Variants in LRAT observed in about 807,000 individuals in gnomAD.
LRAT encodes the protein lecithin retinol acyltransferase (phosphatidylcholine--retinol O-acyltransferase).
Under a neutral mutation model 14.2 loss-of-function variants are expected in LRAT, and 11 were observed. That is an observed-to-expected ratio of 0.78 (90% CI 0.49 to 1.29). LRAT has a LOEUF of 1.29. Ranked by LOEUF, LRAT falls within the 50% of genes most tolerant of loss-of-function variation. The pLI, the probability that LRAT is intolerant of heterozygous loss-of-function variation, is 0.00. For missense variants in LRAT, 274 were observed against 292.4 expected, an observed-to-expected ratio of 0.94 and a Z score of 0.46; for synonymous variants, 144 against 124.8, an observed-to-expected ratio of 1.15 and a Z score of -1.03.
intron 2 of LRAT, chr4:154,748,167 G>GT (rs1218083356): frequency 2.1e-6 from 2 of 938,670 alleles, no homozygotes; most frequent in African/African-American, 3.6e-5. Context: ...AATAATCACT[G>GT]TAATACCTTA....
At chr4:154,747,444 G>T (rs1477933665) in intron 2 of LRAT, among the ~76,000 whole-genome samples, 1 of 151,764 alleles carries the variant, frequency 6.6e-6, no homozygotes, top group Non-Finnish European at 1.5e-5. Flanking sequence ...CTTTTAATTT[G>T]TGTGGATTGA....
intron 2 of LRAT, chr4:154,748,100 C>A: frequency 3.0e-6 from 1 of 336,462 alleles, no homozygotes; most frequent in Non-Finnish European, 4.2e-6. Context: ...ACAATCACTG[C>A]ATTCTGGCAT....
chr4:154,746,116 A>G (rs1360215448), intron 2 of LRAT, among the ~76,000 whole-genome samples: 1 of 152,180 alleles, frequency 6.6e-6, no homozygotes, highest in East Asian at 1.9e-4. Context: ...TAAGCCTGAA[A>G]CTTCACTTAC....
chr4:154,744,512 C>T lies in LRAT; in HGVS notation c.186C>T (p.Gly62=). 1 of 1,614,112 alleles carries T rather than the reference C, an allele frequency of 6.2e-7. No homozygotes were observed. The highest frequency in any genetic ancestry group is 8.5e-7 in the Non-Finnish European group (1 of 1,179,994). ...CCCGGACCCACCTGACCCACTATGG[C>T]ATCTACCTAGGAGACAACCGTGTTG... The part of the protein sequence containing the change: ...EVPRTHLTHY[G]IYLGDNRVAH... Residue 62 remains glycine, a synonymous_variant, in exon 2 of 3, where the codon GGC becomes GGT. Transcript: ENST00000336356.
Position 154,749,040 on chromosome 4 carries a change from A to G in LRAT, c.597A>G (p.Ala199=). 6.2e-7 allele frequency: 1 copy of G among 1,613,872 alleles called. No individual in the cohort carries two copies. Among genetic ancestry groups the G allele is most frequent in the South Asian group, 1.1e-5 (1 of 91,084 alleles). The change falls in exon 3 of 3, where the codon GCA becomes GCG. Residue 199 remains alanine (A), a synonymous_variant. Transcript: ENST00000336356. ...IRDQRSVLAS[A]VLGLASIVCT... is the part of the protein sequence containing the mutation. ...ATCAGAGAAGTGTTCTTGCTTCAGC[A>G]GTCTTGGGATTGGCGTCTATAGTCT... is the stretch of plus-strand genomic sequence containing the variant.
At chr4:154,741,592 G>T (rs1280536307), upstream of LRAT, among the ~76,000 whole-genome samples, 1 of 152,026 alleles carries the variant, frequency 6.6e-6, no homozygotes, top group Non-Finnish European at 1.5e-5. Flanking sequence ...TTCATGCCTC[G>T]TATCGCTCTC....
rs752620052 is a variant in LRAT at position 154,744,791 on chromosome 4, C to T, written c.465C>T (p.Ser155=). The change falls in exon 2 of 3, where the codon AGC becomes AGT. Residue 155 remains serine, a synonymous_variant. Transcript: ENST00000336356. ...AGCTGCTGGGCTTTACCCCCTACAG[C>T]CTGCTGTGGAACAACTGCGAGCACT... ...AEKLLGFTPY[S]LLWNNCEHFV... 5 of 1,614,124 alleles carry T rather than the reference C, an allele frequency of 3.1e-6. No homozygotes were observed. The South Asian group carries it at 5.5e-5, about 18-fold the overall frequency.
chr4:154,741,712 T>A (rs1467791417), upstream of LRAT, among the ~76,000 whole-genome samples: 1 of 152,168 alleles, frequency 6.6e-6, no homozygotes. Context: ...ACTGCTTGCG[T>A]CTTCCAAAAC....
Position 154,744,206 on chromosome 4 carries a change from C to T in LRAT, c.-18C>T, listed in dbSNP as rs1424014578. 3.3e-5 allele frequency: 35 copies of T among 1,051,658 alleles called. No homozygotes were observed. The highest frequency in any genetic ancestry group is 4.4e-6 in the Non-Finnish European group (3 of 689,096). 65.1% of individuals were successfully genotyped at this position (1,051,658 alleles called of 1,614,324 possible). A position where few individuals can be genotyped will look rare whatever the true frequency, so the allele number is the denominator to read the frequency against. ...CTCAGCGGCCGTACTTTGCGCCGTACCTCACCTGGCCTGCAGGTGAGCAGC... is the reference window on the plus strand; with the variant it reads ...CTCAGCGGCCGTACTTTGCGCCGTATCTCACCTGGCCTGCAGGTGAGCAGC... On this transcript the variant is annotated 5_prime_UTR_variant, in exon 1 of 3. Transcript: ENST00000336356.
chr4:154,747,620 G>A (rs947547389), intron 2 of LRAT, among the ~76,000 whole-genome samples: 3 of 152,114 alleles, frequency 2.0e-5, no homozygotes, highest in Non-Finnish European at 4.4e-5. Flanking sequence ...AAATACAGTC[G>A]AAAATGATTC....
In LRAT at chr4:154,751,790, G is replaced by T. The variant is rs1240923135; in HGVS notation, c.*2654G>T. 4.2e-5 allele frequency: 6 copies of T among 142,430 alleles called. No homozygotes were observed. Among genetic ancestry groups the T allele is most frequent in the Non-Finnish European group, 7.6e-5 (5 of 65,994 alleles). 8.8% of individuals were successfully genotyped at this position (142,430 alleles called of 1,614,324 possible). On this transcript the variant is annotated 3_prime_UTR_variant, in exon 3 of 3. Coordinates refer to ENST00000336356, the MANE Select transcript of LRAT (RefSeq NM_004744.5). ...GAAGAAGAAACCCTGAGCCATTAAT[G>T]TGTCTCGTAACTTGAGGAAGTTCAT...
In LRAT at chr4:154,749,824, G is replaced by C. The variant is rs1732954447; in HGVS notation, c.*688G>C. On this transcript the variant is annotated 3_prime_UTR_variant, in exon 3 of 3. Transcript: ENST00000336356. ...TTGGCTTTACTTACTAGGAAGCCTGGAATTCATTATTTTTTTCCTTTTATG... is the reference window on the plus strand; with the variant it reads ...TTGGCTTTACTTACTAGGAAGCCTGCAATTCATTATTTTTTTCCTTTTATG... The C allele has an allele frequency of 6.6e-6, 1 of 152,156 alleles. No individual in the cohort carries two copies. Among genetic ancestry groups the C allele is most frequent in the African/African-American group, 2.4e-5 (1 of 41,436 alleles). 9.4% of individuals were successfully genotyped at this position (152,156 alleles called of 1,614,324 possible).
chr4:154,748,218 T>C, intron 2 of LRAT: 2 of 985,464 alleles, frequency 2.0e-6, no homozygotes, highest in Non-Finnish European at 2.4e-6. Flanking sequence ...GACTTGTGCA[T>C]CAAACATCTC....
intron 2 of LRAT, chr4:154,745,303 G>A (rs1002535070): frequency 3.3e-5 from 6 of 179,966 alleles, no homozygotes; most frequent in Non-Finnish European, 6.0e-5. Flanking sequence ...TTACAGGCGT[G>A]AGCCACCGTG....
Position 154,752,776 on chromosome 4 carries a change from A to G in LRAT, c.*3640A>G, listed in dbSNP as rs1364888962. The G allele has an allele frequency of 6.6e-6, 1 of 152,224 alleles. No homozygotes were observed. Among genetic ancestry groups the G allele is most frequent in the African/African-American group, 2.4e-5 (1 of 41,464 alleles). The allele number at this position is 152,224 out of a possible 1,614,324, so 9.4% of individuals were successfully genotyped here. On this transcript the variant is annotated 3_prime_UTR_variant, in exon 3 of 3. Transcript: ENST00000336356. ...ATAGATTAACTTGATGACTATGTGT[A>G]TATTGGATACTCCTAATTTTAGCTC... is the stretch of plus-strand genomic sequence containing the variant.
chr4:154,744,134 C>T lies in LRAT; in HGVS notation c.-90C>T. The T allele has an allele frequency of 1.6e-6, 1 of 624,870 alleles. No homozygotes were observed. Among genetic ancestry groups the T allele is most frequent in the South Asian group, 1.9e-5 (1 of 53,586 alleles). The allele number at this position is 624,870 out of a possible 1,614,324, so 38.7% of individuals were successfully genotyped here. ...CGTCTCATTCCCCATTGTGGCTTGG[C>T]TGAGCCGGTCGCCAGGCCTCGCTGT... On this transcript the variant is annotated 5_prime_UTR_variant, in exon 1 of 3. Transcript: ENST00000336356.
At chr4:154,742,907 G>T (rs1732794383), upstream of LRAT, among the ~76,000 whole-genome samples, 2 of 152,174 alleles carry the variant, frequency 1.3e-5, no homozygotes, top group Non-Finnish European at 1.5e-5. Context: ...ACAAAGTTTC[G>T]GTGGGTGAAC....
chr4:154,744,024 C>T lies in LRAT; in HGVS notation c.-200C>T, dbSNP rs772561933. 1.8e-5 allele frequency: 8 copies of T among 441,144 alleles called. No individual in the cohort carries two copies. Among genetic ancestry groups the T allele is most frequent in the East Asian group, 4.4e-5 (1 of 22,532 alleles). 27.3% of individuals were successfully genotyped at this position (441,144 alleles called of 1,614,324 possible). A position where few individuals can be genotyped will look rare whatever the true frequency, so the allele number is the denominator to read the frequency against. ...CGAGCACCGCGCGCGGCCCTGCCCC[C>T]GGCACGGCCCCCAGGTGCGCTCCTT... On this transcript the variant is annotated 5_prime_UTR_variant, in exon 1 of 3. Coordinates refer to ENST00000336356, the MANE Select transcript of LRAT (RefSeq NM_004744.5).
At position 154,751,327 on chromosome 4, in the gene LRAT, G is replaced by T. The variant is rs1400593096; in HGVS notation, c.*2191G>T. ...TTTTATTTGTGAAATGTTCTACAAC[G>T]CTAGAACTGTTGAACTTCTTGGGAG... On this transcript the variant is annotated 3_prime_UTR_variant, in exon 3 of 3. Transcript: ENST00000336356. 6 of 152,198 alleles carry T rather than the reference G, an allele frequency of 3.9e-5. No individual in the cohort carries two copies. The highest frequency in any genetic ancestry group is 2.0e-4 in the Admixed American group (3 of 15,278). The allele number at this position is 152,198 out of a possible 1,614,324, so 9.4% of individuals were successfully genotyped here. A position where few individuals can be genotyped will look rare whatever the true frequency, so the allele number is the denominator to read the frequency against.
Sources: allele counts gnomAD v4.1 joint callset (sites outside exome capture counted in the v4.1 genomes callset), GRCh38; gene constraint gnomAD v4.1.1; transcripts MANE v1.5; gene names NCBI Gene and HGNC (gene_info 2026-07-23, HGNC 2026-07-21).